FRMPD2: variants seen among roughly 807,000 people sequenced by gnomAD.
FRMPD2 encodes the protein FERM and PDZ domain containing 2.
In FRMPD2, 96 loss-of-function variants were observed where a neutral mutation model predicts 140.1. The ratio of observed to expected loss-of-function variants is 0.69; its 90% confidence interval spans 0.58 to 0.81. The LOEUF is 0.81. Ranked by LOEUF, FRMPD2 falls within the 40% of genes least tolerant of loss-of-function variation. The pLI, the probability that FRMPD2 is intolerant of heterozygous loss-of-function variation, is 0.00. For missense variants in FRMPD2, 1,240 were observed against 1,447.4 expected, an observed-to-expected ratio of 0.86 and a Z score of 2.32; for synonymous variants, 449 against 547.6, an observed-to-expected ratio of 0.82 and a Z score of 2.52.
Position 48,250,779 on chromosome 10 carries a change from C to A in FRMPD2, c.151+787G>T, listed in dbSNP as rs188290321. Among the ~76,000 whole-genome samples the A allele has an allele frequency of 6.4e-4, 95 of 149,098 alleles. 1 individual carries two copies. In the East Asian group the frequency reaches 0.017, roughly 26 times the overall value. On this transcript the variant is annotated intron_variant, in intron 2 of 28. Coordinates refer to ENST00000374201, the MANE Select transcript of FRMPD2 (RefSeq NM_001018071.4). ...TTCTATTAACCTCCCCTGTTTAGAA[C>A]ACAGAGTAGGTCTGCCTTTTTTTTT...
chr10:48,212,579 T>G (rs1006594892), intron 12 of FRMPD2, among the ~76,000 whole-genome samples: 1 of 152,060 alleles, frequency 6.6e-6, no homozygotes, highest in Non-Finnish European at 1.5e-5. Flanking sequence ...CTATGTTGTT[T>G]TTTTTTTAAT....
At chr10:48,225,016 T>C (rs1839691335) in intron 10 of FRMPD2, among the ~76,000 whole-genome samples, 1 of 152,214 alleles carries the variant, frequency 6.6e-6, no homozygotes. Context: ...TCACCAGCCC[T>C]GCTTGGTACA....
At chr10:48,274,831 C>T, upstream of FRMPD2, 1 of 486,400 alleles carries the variant, frequency 2.1e-6, no homozygotes, top group Non-Finnish European at 3.7e-6. Flanking sequence ...CAGCCTGCGT[C>T]CTCAAAGCCA....
intron 17 of FRMPD2, among the ~76,000 whole-genome samples, chr10:48,186,169 T>C (rs1196990125): frequency 1.3e-5 from 2 of 152,222 alleles, no homozygotes; most frequent in Non-Finnish European, 2.9e-5. Flanking sequence ...GGCAGAGCCC[T>C]GAAGCTGTTC....
At chr10:48,208,913 ATTG>A (rs1401447434) in intron 13 of FRMPD2, among the ~76,000 whole-genome samples, 1 of 152,180 alleles carries the variant, frequency 6.6e-6, no homozygotes, top group Non-Finnish European at 1.5e-5. Context: ...AAACAAATGG[ATTG>A]TTATTTCTGA....
At chr10:48,218,248 G>A (rs1839498396) in intron 12 of FRMPD2, among the ~76,000 whole-genome samples, 1 of 152,210 alleles carries the variant, frequency 6.6e-6, no homozygotes, top group Non-Finnish European at 1.5e-5. Flanking sequence ...CTAACTCCAA[G>A]TACTGTTAAT....
chr10:48,188,496 G>C (rs1246910151), intron 16 of FRMPD2, among the ~76,000 whole-genome samples: 1 of 152,230 alleles, frequency 6.6e-6, no homozygotes, highest in Non-Finnish European at 1.5e-5. Flanking sequence ...CCAGGTGTCA[G>C]GCCTGAGCTC....
intron 14 of FRMPD2, 21 bp downstream of exon 14, chr10:48,206,727 T>C: frequency 6.2e-7 from 1 of 1,603,054 alleles, no homozygotes. Context: ...GCAGGTTATT[T>C]ATCAACTGAG....
Position 48,226,247 on chromosome 10 carries a change from G to A in FRMPD2, c.1169-2977C>T, listed in dbSNP as rs890587638. Among the ~76,000 whole-genome samples, 34 of 152,228 alleles carry A rather than the reference G, an allele frequency of 2.2e-4. 1 individual carries two copies. The highest frequency in any genetic ancestry group is 3.4e-3 in the Middle Eastern group (1 of 294). On this transcript the variant is annotated intron_variant, in intron 10 of 28. Coordinates refer to ENST00000374201, the MANE Select transcript of FRMPD2 (RefSeq NM_001018071.4). ...TCTTGAGGCTTCAAAACGCATTCAG[G>A]ACTCAAAAATGCCTTAATGCAAATA...
intron 1 of FRMPD2, among the ~76,000 whole-genome samples, chr10:48,257,178 C>T (rs1172341202): frequency 6.6e-6 from 1 of 151,612 alleles, no homozygotes; most frequent in Non-Finnish European, 1.5e-5. Flanking sequence ...TTAAATCTCC[C>T]AGTCTTTTTT....
At chr10:48,214,449 A>G (rs193086834) in intron 12 of FRMPD2, among the ~76,000 whole-genome samples, 5 of 152,340 alleles carry the variant, frequency 3.3e-5, no homozygotes, top group Admixed American at 2.6e-4. Flanking sequence ...GTGTCAATGT[A>G]GGTTCATTGA....
intron 14 of FRMPD2, among the ~76,000 whole-genome samples, chr10:48,202,014 C>T (rs1015953562): frequency 4.0e-5 from 6 of 151,862 alleles, no homozygotes; most frequent in Non-Finnish European, 8.8e-5. Context: ...CACATTATAC[C>T]TTCAAGGCCC....
At chr10:48,209,807 T>C (rs937475163) in intron 13 of FRMPD2, among the ~76,000 whole-genome samples, 1 of 152,190 alleles carries the variant, frequency 6.6e-6, no homozygotes, top group Non-Finnish European at 1.5e-5. Flanking sequence ...AAGATTTATA[T>C]GGAAAAGATG....
At chr10:48,204,738 A>C (rs1162196344) in intron 14 of FRMPD2, among the ~76,000 whole-genome samples, 1 of 152,120 alleles carries the variant, frequency 6.6e-6, no homozygotes, top group Non-Finnish European at 1.5e-5. Context: ...GTAACTTTGT[A>C]TTCTTTTTCA....
At chr10:48,175,032 C>T (rs1296774846) in intron 23 of FRMPD2, 77 bp from the exon 24 acceptor site, 6 of 646,698 alleles carry the variant, frequency 9.3e-6, no homozygotes, top group African/African-American at 3.8e-5. Flanking sequence ...GGCCCCTGCC[C>T]GGCACCCCTC....
chr10:48,249,071 G>T lies in FRMPD2; in HGVS notation c.259C>A (p.Pro87Thr), dbSNP rs140354956. 6.8e-6 allele frequency: 11 copies of T among 1,613,912 alleles called. No individual in the cohort carries two copies. Among genetic ancestry groups the T allele is most frequent in the Non-Finnish European group, 7.6e-6 (9 of 1,180,012 alleles). The stretch of plus-strand genomic sequence containing the variant: ...TCACTCTGTCCCTGTAGCAGTTCAG[G>T]GGCCTTGAAAGGAGCAGCCTCTATA... ...SHIEAAPFKAPELLQGQSEDE... is the reference protein window; with the variant it reads ...SHIEAAPFKATELLQGQSEDE... Residue 87 changes from proline to threonine, a missense_variant, in exon 3 of 29, where the codon CCT (proline) becomes ACT (threonine). By Grantham distance (38) the Pro-to-Thr change is conservative. Around this residue, in one of 6 missense-constraint regions of FRMPD2, gnomAD observed 1,161 missense variants for 1,055.9 expected, o/e 1.10. Transcript: ENST00000374201.
At chr10:48,184,376 C>T (rs931742) in intron 20 of FRMPD2, among the ~76,000 whole-genome samples, 190 bp downstream of exon 20, 34,482 of 151,952 alleles carry the variant, frequency 0.23, 3,956 homozygotes, top group East Asian at 0.41. Context: ...AGCATGGTAA[C>T]GCCCATTCTG....
At chr10:48,209,682 C>T (rs1159332513) in intron 13 of FRMPD2, among the ~76,000 whole-genome samples, 1 of 152,232 alleles carries the variant, frequency 6.6e-6, no homozygotes. Context: ...GAAATGACGG[C>T]TGCACGAGGT....
At chr10:48,203,437 A>T (rs147207196) in intron 14 of FRMPD2, among the ~76,000 whole-genome samples, 36 of 152,362 alleles carry the variant, frequency 2.4e-4, no homozygotes, top group African/African-American at 6.7e-4. Context: ...TTTCAGCACC[A>T]GCATGAAATC....
Sources: allele counts gnomAD v4.1 joint callset (sites outside exome capture counted in the v4.1 genomes callset), GRCh38; gene constraint gnomAD v4.1.1; regional missense constraint gnomAD v4.1.1; transcripts MANE v1.5; gene names NCBI Gene and HGNC (gene_info 2026-07-23, HGNC 2026-07-21).